The following SEC14L5 variants were observed in gnomAD, a reference collection of about 807,000 sequenced individuals.
SEC14L5 encodes SEC14-like protein 5.
In SEC14L5, 96 loss-of-function variants were observed where a neutral mutation model predicts 84.6. The ratio of observed to expected loss-of-function variants is 1.13; its 90% CI spans 0.96 to 1.34. The LOEUF (loss-of-function observed/expected upper bound fraction) is 1.34. Ranked by LOEUF, SEC14L5 falls within the 40% of genes most tolerant of loss-of-function variation. The pLI, the probability that SEC14L5 is intolerant of heterozygous loss-of-function variation, is 0.00. For missense variants in SEC14L5, 1,224 were observed against 942.5 expected (o/e 1.30, Z -3.91); for synonymous variants, 546 against 383.4 (o/e 1.42, Z -4.95).
intron 11 of SEC14L5, 50 bp downstream of exon 11, chr16:5,003,623 G>GCCCCC: frequency 2.5e-6 from 1 of 404,778 alleles, no homozygotes; most frequent in Non-Finnish European, 4.9e-6. Context: ...GGGTGGGATG[G>GCCCCC]GAGGGGTTCC....
Position 4,981,417 on chromosome 16 carries a change from A to T in SEC14L5, c.64-6140A>T, listed in dbSNP as rs117402319. Among the ~76,000 whole-genome samples, 593 of 151,914 alleles carry T rather than the reference A, an allele frequency of 3.9e-3. 2 individuals carry two copies. The highest frequency in any genetic ancestry group is 0.028 in the East Asian group (147 of 5,176). On this transcript the variant is annotated intron_variant, in intron 2 of 15. Coordinates refer to ENST00000251170, the MANE Select transcript of SEC14L5 (RefSeq NM_014692.2). ...GTGAGCCACCGCGCCTGGTCTCGTC[A>T]AGGCCTGTTCTGTGTATATCCTCCC...
intron 2 of SEC14L5, among the ~76,000 whole-genome samples, chr16:4,979,328 G>T (rs970038313): frequency 6.6e-6 from 1 of 152,182 alleles, no homozygotes; most frequent in Non-Finnish European, 1.5e-5. Flanking sequence ...CTGCAAGGGG[G>T]TCAAATTGCA....
intron 2 of SEC14L5, among the ~76,000 whole-genome samples, chr16:4,967,562 GTTTTTTTTTTTTT>G (rs869061549): frequency 1.1e-4 from 4 of 37,064 alleles, no homozygotes; most frequent in Admixed American, 4.2e-4. Flanking sequence ...TCTTTCTTTC[GTTTTTTTTTTTTT>G]TTTTTTTTTT....
rs1012936598 is a variant in SEC14L5, at chr16:5,007,191, G to A, written c.1438-161G>A. ...GAAGAATAATAGTCTCTACTGCATT[G>A]GTGGACCTGGGGATTAAATGGGGTC... On this transcript the variant is annotated intron_variant, in intron 12 of 15. Coordinates refer to ENST00000251170, the MANE Select transcript of SEC14L5 (RefSeq NM_014692.2). Among the ~76,000 whole-genome samples, 30 of 152,280 alleles carry A rather than the reference G, an allele frequency of 2.0e-4. No individual in the cohort carries two copies. In the Middle Eastern group the frequency reaches 0.014, roughly 69 times the overall value.
chr16:5,014,297 C>T (rs912852085), intron 15 of SEC14L5, among the ~76,000 whole-genome samples: 26 of 152,164 alleles, frequency 1.7e-4, no homozygotes, highest in African/African-American at 6.3e-4. Flanking sequence ...GCCTGTAATC[C>T]AAGTGCTTTG....
At chr16:4,979,427 A>G (rs1209977082) in intron 2 of SEC14L5, among the ~76,000 whole-genome samples, 6 of 152,172 alleles carry the variant, frequency 3.9e-5, no homozygotes, top group African/African-American at 1.4e-4. Context: ...GCGGAGGGTG[A>G]GCGCTACCTA....
At chr16:4,960,029 G>A (rs1258872696) in intron 2 of SEC14L5, among the ~76,000 whole-genome samples, 1 of 152,138 alleles carries the variant, frequency 6.6e-6, no homozygotes, top group Non-Finnish European at 1.5e-5. Flanking sequence ...GGGTAGGTTT[G>A]CTTTGTGATG....
In SEC14L5 at chr16:4,978,852, T is replaced by C. The variant is rs1229029340; in HGVS notation, c.64-8705T>C. ...GCTTGACCTCGTGATCTGCCCGCCT[T>C]GGCCTCCCAAAGTGCTGGGATTACA... On this transcript the variant is annotated intron_variant, in intron 2 of 15. Transcript: ENST00000251170. Among the ~76,000 whole-genome samples the C allele has an allele frequency of 5.3e-5, 8 of 152,246 alleles. No individual in the cohort carries two copies. In the East Asian group the frequency reaches 5.8e-4, roughly 11 times the overall value.
chr16:4,981,340 G>A (rs1459982076), intron 2 of SEC14L5, among the ~76,000 whole-genome samples: 6 of 133,214 alleles, frequency 4.5e-5, no homozygotes, highest in African/African-American at 1.4e-4. Context: ...TTGAACTCCT[G>A]ACCTCAAATG....
intron 3 of SEC14L5, 131 bp from the exon 4 acceptor site, chr16:4,988,018 G>C: frequency 1.0e-6 from 1 of 984,312 alleles, no homozygotes; most frequent in South Asian, 1.6e-5. Context: ...TCCGGGCTGG[G>C]TGGGCGGTGG....
At chr16:4,977,753 C>T (rs1022847774) in intron 2 of SEC14L5, among the ~76,000 whole-genome samples, 1 of 151,922 alleles carries the variant, frequency 6.6e-6, no homozygotes, top group Non-Finnish European at 1.5e-5. Context: ...TCCCTCTCCA[C>T]TTGGCAGGCG....
chr16:4,967,374 A>G (rs1186739921), intron 2 of SEC14L5, among the ~76,000 whole-genome samples: 1 of 152,016 alleles, frequency 6.6e-6, no homozygotes, highest in African/African-American at 2.4e-5. Flanking sequence ...CCTCGCTTCA[A>G]CTTGATTACT....
In SEC14L5 at chr16:5,011,118, CG is replaced by C; in HGVS notation, c.1826del (p.Gly609AlafsTer27). On this transcript the variant is annotated frameshift_variant, in exon 15 of 16. Transcript: ENST00000251170. LOFTEE classifies it high-confidence loss of function. ...AGGGCTCCCATGTGACCCGGTGGCC[CG>C]GCGTCTACCTGCTCCAGTGGCAAAT... ...IQGSHVTRWPGVYLLQWQMHS... is the reference protein window; with the variant it reads ...IQGSHVTRWPXVYLLQWQMHS... 2 of 1,606,744 alleles carry C rather than the reference CG, an allele frequency of 1.2e-6. No individual in the cohort carries two copies. The highest frequency in any genetic ancestry group is 1.7e-6 in the Non-Finnish European group (2 of 1,176,818).
At chr16:5,006,125 G>T in intron 12 of SEC14L5, 77 bp downstream of exon 12, 2 of 1,499,328 alleles carry the variant, frequency 1.3e-6, no homozygotes, top group Admixed American at 3.5e-5. Flanking sequence ...GATTCCCGGA[G>T]TGGGGCTGGG....
chr16:5,008,355 C>T (rs569042290), intron 13 of SEC14L5, 66 bp from the exon 14 acceptor site: 1 of 1,210,328 alleles, frequency 8.3e-7, no homozygotes, highest in South Asian at 1.3e-5. Flanking sequence ...CCTCCTGCCA[C>T]TGTGTTCCCC....
intron 13 of SEC14L5, 53 bp downstream of exon 13, chr16:5,007,539 A>C: frequency 6.5e-7 from 1 of 1,548,720 alleles, no homozygotes; most frequent in Non-Finnish European, 8.8e-7. Context: ...CTGTCGTCTT[A>C]GGTCAGGTGA....
At chr16:4,995,626 T>TC (rs1955600673) in intron 6 of SEC14L5, among the ~76,000 whole-genome samples, 2 of 128,154 alleles carry the variant, frequency 1.6e-5, no homozygotes, top group Non-Finnish European at 3.2e-5. Flanking sequence ...CTCTCTCTCT[T>TC]TTTTTTTTTT....
chr16:4,990,758 G>C lies in SEC14L5; in HGVS notation c.346-9G>C. 2 of 1,604,018 alleles carry C rather than the reference G, an allele frequency of 1.2e-6. No homozygotes were observed. The highest frequency in any genetic ancestry group is 2.7e-5 in the African/African-American group (2 of 74,376). On this transcript the variant is annotated splice_polypyrimidine_tract_variant and intron_variant, in intron 4 of 15. Coordinates refer to ENST00000251170, the MANE Select transcript of SEC14L5 (RefSeq NM_014692.2). ...TGAGTCCCTGGCATGACCCCTGCCT[G>C]GCTTTCAGGTCCACCCTGAGAATGA... is the stretch of plus-strand genomic sequence containing the variant.
chr16:5,008,340 C>G, intron 13 of SEC14L5, 81 bp from the exon 14 acceptor site: 1 of 1,018,564 alleles, frequency 9.8e-7, no homozygotes, highest in Non-Finnish European at 1.5e-6. Flanking sequence ...GGGGCACCCA[C>G]AGCCCCTCCT....
Sources: gnomAD v4.1 joint callset for allele counts (sites outside exome capture counted in the v4.1 genomes callset) on GRCh38, gnomAD v4.1.1 for gene constraint, MANE v1.5 for transcripts, NCBI Gene and HGNC (gene_info 2026-07-23, HGNC 2026-07-21) for gene names.